The following GFRA2 variants were observed in gnomAD, a reference collection of about 807,000 sequenced individuals.
GFRA2 encodes GDNF family receptor alpha 2, also known as GDNF family receptor alpha-2.
Under a neutral mutation model 48.3 loss-of-function variants are expected in GFRA2, and 17 were observed. The ratio of observed to expected loss-of-function variants is 0.35; its 90% CI spans 0.24 to 0.53. GFRA2 has a LOEUF of 0.53. Among genes scored for constraint, GFRA2 ranks in the 20% least tolerant of loss-of-function variants. GFRA2 has a pLI of 0.93. For missense variants in GFRA2, 660 were observed against 637.3 expected, an observed-to-expected ratio of 1.04 and a Z score of -0.38; for synonymous variants, 305 against 257.2, an observed-to-expected ratio of 1.19 and a Z score of -1.78.
At chr8:21,731,970 G>A (rs1804218617) in intron 4 of GFRA2, among the ~76,000 whole-genome samples, 1 of 152,228 alleles carries the variant, frequency 6.6e-6, no homozygotes, top group Non-Finnish European at 1.5e-5. Context: ...AAGAAAAGGT[G>A]AAGGTGTCTT....
upstream of GFRA2, among the ~76,000 whole-genome samples, chr8:21,790,557 G>C (rs1807547219): frequency 6.6e-6 from 1 of 152,214 alleles, no homozygotes; most frequent in African/African-American, 2.4e-5. Context: ...TCCCGGCCTT[G>C]GAAGCACAGA....
At chr8:21,809,839 A>T (rs1046915282) in intron 1 of GFRA2, among the ~76,000 whole-genome samples, 1 of 152,150 alleles carries the variant, frequency 6.6e-6, no homozygotes, top group Non-Finnish European at 1.5e-5. Context: ...AGAGTTCTTT[A>T]GCTATAGAAC....
intron 7 of GFRA2, among the ~76,000 whole-genome samples, chr8:21,695,912 C>G (rs539459339): frequency 6.6e-6 from 1 of 152,122 alleles, no homozygotes; most frequent in Non-Finnish European, 1.5e-5. Flanking sequence ...CTGACACCTA[C>G]GGACACCCAG....
intron 1 of GFRA2, among the ~76,000 whole-genome samples, chr8:21,805,865 C>G (rs899317339): frequency 2.2e-4 from 33 of 152,252 alleles, no homozygotes; most frequent in African/African-American, 7.0e-4. Context: ...CAGTTCCCAT[C>G]TGCCTGGAGA....
chr8:21,768,910 G>T (rs1386159820), intron 3 of GFRA2, among the ~76,000 whole-genome samples: 1 of 152,260 alleles, frequency 6.6e-6, no homozygotes, highest in East Asian at 1.9e-4. Flanking sequence ...AAGACTTGAG[G>T]TTCCTTCATC....
At chr8:21,693,436 A>G in intron 8 of GFRA2, 36 bp from the exon 9 acceptor site, 1 of 1,575,874 alleles carries the variant, frequency 6.3e-7, no homozygotes, top group Non-Finnish European at 8.6e-7. Context: ...AGGAACAAAG[A>G]GAATGAAAAC....
At chr8:21,694,067 T>TATATATATATATATATATA (rs1802025193) in intron 8 of GFRA2, among the ~76,000 whole-genome samples, 1 of 71,206 alleles carries the variant, frequency 1.4e-5, no homozygotes, top group African/African-American at 6.0e-5. Flanking sequence ...ATATATATAT[T>TATATATATATATATATATA]TATTTATTTT....
intron 7 of GFRA2, among the ~76,000 whole-genome samples, 195 bp downstream of exon 7, chr8:21,702,610 A>T (rs895786306): frequency 2.0e-5 from 3 of 152,244 alleles, no homozygotes; most frequent in Admixed American, 6.5e-5. Context: ...ACTGTGATGT[A>T]ACAGGGGTTT....
At chr8:21,712,289 A>T (rs995709291) in intron 4 of GFRA2, among the ~76,000 whole-genome samples, 10 of 151,614 alleles carry the variant, frequency 6.6e-5, no homozygotes, top group Non-Finnish European at 8.8e-5. Flanking sequence ...CACTTCGCAG[A>T]CAGGGCGGCC....
rs565449313 is a variant in GFRA2 at position 21,707,295 on chromosome 8, G to C, written c.795-1254C>G. On this transcript the variant is annotated intron_variant, in intron 4 of 8. Transcript: ENST00000524240. ...GAAGCCATCTCCGAGTTCACCACAG[G>C]TTCAGCTCCCCTGGTTCTCCACTGG... Among the ~76,000 whole-genome samples the C allele has an allele frequency of 5.1e-4, 78 of 152,174 alleles. 1 individual carries two copies. The highest frequency in any genetic ancestry group is 1.4e-3 in the Admixed American group (22 of 15,284).
At chr8:21,745,181 C>T (rs896308000) in intron 4 of GFRA2, among the ~76,000 whole-genome samples, 25 of 152,392 alleles carry the variant, frequency 1.6e-4, no homozygotes, top group Admixed American at 1.6e-3. Context: ...GTGTGCCACA[C>T]GGCGAATCGA....
chr8:21,696,234 C>A (rs1426055835), intron 7 of GFRA2, among the ~76,000 whole-genome samples: 1 of 149,026 alleles, frequency 6.7e-6, no homozygotes, highest in Non-Finnish European at 1.5e-5. Flanking sequence ...CTCCCCTTTC[C>A]TCACTAAACC....
At chr8:21,786,168 T>C (rs1345506049) in intron 1 of GFRA2, among the ~76,000 whole-genome samples, 1 of 152,136 alleles carries the variant, frequency 6.6e-6, no homozygotes, top group Non-Finnish European at 1.5e-5. Flanking sequence ...GTTGCAGACA[T>C]TGGGTTGGGC....
upstream of GFRA2, chr8:21,790,031 A>G (rs1283962498): frequency 1.0e-6 from 1 of 979,182 alleles, no homozygotes; most frequent in Non-Finnish European, 1.2e-6. Flanking sequence ...CTAGCCGGGA[A>G]GGGGGCGATT....
At chr8:21,697,121 G>GAC (rs1802237734) in intron 7 of GFRA2, among the ~76,000 whole-genome samples, 1 of 114,996 alleles carries the variant, frequency 8.7e-6, no homozygotes, top group Admixed American at 8.9e-5. Flanking sequence ...GAGGGGAGGG[G>GAC]AGAGAAGGGG....
chr8:21,759,602 T>A (rs1805796990), intron 3 of GFRA2, among the ~76,000 whole-genome samples: 1 of 150,882 alleles, frequency 6.6e-6, no homozygotes, highest in African/African-American at 2.4e-5. Flanking sequence ...TAAAAAAGAA[T>A]GACCAGCTGG....
In GFRA2 at chr8:21,750,810, G is replaced by A. The variant is rs1585295219; in HGVS notation, c.572C>T (p.Pro191Leu). The A allele has an allele frequency of 6.2e-7, 1 of 1,614,010 alleles. No individual in the cohort carries two copies. The highest frequency in any genetic ancestry group is 2.2e-5 in the East Asian group (1 of 44,876). The change falls in exon 4 of 9, where the codon CCC becomes CTC. Residue 191 changes from proline to leucine, a missense_variant. Physicochemically the swap from Pro to Leu is moderately conservative, Grantham distance 98. Coordinates refer to ENST00000524240, the MANE Select transcript of GFRA2 (RefSeq NM_001495.5). The surrounding 1 kb of genome is among the most constrained non-coding windows in gnomAD (Gnocchi z 5.7). ...CTTGCGGCGGTTGCAGCGCTCGGTG[G>A]GCGAGATCTCGCGGTTGCAGATGGA... ...YISICNREIS[P>L]TERCNRRKCH...
intron 7 of GFRA2, among the ~76,000 whole-genome samples, chr8:21,698,853 G>A (rs914731778): frequency 6.6e-5 from 10 of 150,928 alleles, no homozygotes; most frequent in South Asian, 2.1e-4. Context: ...TCTGTGCCTC[G>A]GCTCCGCTGC....
chr8:21,812,039 C>T (rs1329517550), intron 1 of GFRA2, among the ~76,000 whole-genome samples: 2 of 152,320 alleles, frequency 1.3e-5, no homozygotes, highest in Admixed American at 1.3e-4. Flanking sequence ...CCCCCCAGCC[C>T]CTGGCTATCA....
Sources: gnomAD v4.1 joint callset for allele counts (sites outside exome capture counted in the v4.1 genomes callset) on GRCh38, gnomAD v4.1.1 for gene constraint, Gnocchi (gnomAD v3.1) non-coding constraint, MANE v1.5 for transcripts, NCBI Gene and HGNC (gene_info 2026-07-23, HGNC 2026-07-21) for gene names.